Variants in SCRG1 observed in about 807,000 individuals in gnomAD.
SCRG1 encodes stimulator of chondrogenesis 1, also known as scrapie-responsive protein 1.
In SCRG1, 3 loss-of-function variants were observed where a neutral mutation model predicts 7.7. The ratio of observed to expected loss-of-function variants is 0.39; its 90% CI spans 0.18 to 1.01. The LOEUF (loss-of-function observed/expected upper bound fraction) is 1.01, where lower values mean the gene tolerates loss of function less well. SCRG1 is among the 50% of genes least tolerant of loss of function. The pLI is 0.36. For missense variants in SCRG1, 110 were observed against 117.2 expected (o/e 0.94, Z 0.28); for synonymous variants, 46 against 41.2 (o/e 1.12, Z -0.44).
chr4:173,484,461 T>G, the SCRG1 span, among the ~76,000 whole-genome samples: 1 of 48,230 alleles, frequency 2.1e-5, no homozygotes, highest in Non-Finnish European at 4.0e-5. Flanking sequence ...ATATATTATA[T>G]ACATATAATA....
At chr4:173,409,871 G>A (rs1740004345), upstream of SCRG1, among the ~76,000 whole-genome samples, 1 of 152,114 alleles carries the variant, frequency 6.6e-6, no homozygotes, top group African/African-American at 2.4e-5. Context: ...TTACAGGTGT[G>A]AGCCACTGCA....
At chr4:173,388,938 T>A (rs1260602182) in intron 2 of SCRG1, among the ~76,000 whole-genome samples, 1 of 152,220 alleles carries the variant, frequency 6.6e-6, no homozygotes, top group Non-Finnish European at 1.5e-5. Context: ...CTTAGCAGTA[T>A]TTCTCTTTGA....
At chr4:173,507,850 T>C in the SCRG1 span, among the ~76,000 whole-genome samples, 1 of 152,282 alleles carries the variant, frequency 6.6e-6, no homozygotes, top group African/African-American at 2.4e-5. The surrounding 1 kb of genome is among the most constrained non-coding windows in gnomAD (Gnocchi z 4.4). Flanking sequence ...TGAAAAGTAA[T>C]ATGAATGTGA....
chr4:173,459,350 C>A, the SCRG1 span, among the ~76,000 whole-genome samples: 7 of 152,166 alleles, frequency 4.6e-5, no homozygotes. Flanking sequence ...CAGGATAGAC[C>A]ATATCTTAGG....
the SCRG1 span, among the ~76,000 whole-genome samples, chr4:173,497,440 C>A: frequency 1.3e-5 from 2 of 152,018 alleles, no homozygotes; most frequent in Non-Finnish European, 2.9e-5. Flanking sequence ...GGTAGGGAAA[C>A]CACCTGTTTC....
the SCRG1 span, among the ~76,000 whole-genome samples, chr4:173,421,544 G>T: frequency 3.6e-4 from 55 of 152,110 alleles, no homozygotes; most frequent in African/African-American, 1.3e-3. Flanking sequence ...CTGAAAGGTG[G>T]GCCTGGATGG....
the SCRG1 span, among the ~76,000 whole-genome samples, chr4:173,467,274 A>G: frequency 6.6e-5 from 10 of 152,176 alleles, 1 homozygote; most frequent in Non-Finnish European, 1.5e-5. Context: ...AAAGAATCAT[A>G]TCATCTAGCT....
chr4:173,458,576 A>AG, the SCRG1 span, among the ~76,000 whole-genome samples: 1 of 152,212 alleles, frequency 6.6e-6, no homozygotes, highest in Non-Finnish European at 1.5e-5. Flanking sequence ...AACACACAAA[A>AG]GTATTAAACT....
the SCRG1 span, among the ~76,000 whole-genome samples, chr4:173,517,085 G>T: frequency 1.3e-5 from 2 of 152,320 alleles, no homozygotes; most frequent in East Asian, 3.9e-4. Context: ...GAGGCTCCCG[G>T]CGCCCAGGCC....
At chr4:173,436,502 A>G in the SCRG1 span, among the ~76,000 whole-genome samples, 1 of 152,212 alleles carries the variant, frequency 6.6e-6, no homozygotes, top group Non-Finnish European at 1.5e-5. Flanking sequence ...AGCCGGGGGC[A>G]GGGAAATGAC....
At chr4:173,460,301 T>C in the SCRG1 span, among the ~76,000 whole-genome samples, 1 of 152,106 alleles carries the variant, frequency 6.6e-6, no homozygotes, top group Admixed American at 6.5e-5. Context: ...GGTGGACTCA[T>C]GGGGCATGCG....
At chr4:173,476,460 G>A in the SCRG1 span, among the ~76,000 whole-genome samples, 25 of 150,684 alleles carry the variant, frequency 1.7e-4, no homozygotes, top group East Asian at 4.3e-3. Context: ...AGGTTGATTC[G>A]CAAGTCAGTG....
chr4:173,444,325 G>C, the SCRG1 span, among the ~76,000 whole-genome samples: 6 of 152,148 alleles, frequency 3.9e-5, no homozygotes, highest in Non-Finnish European at 5.9e-5. Flanking sequence ...CATTGTGGTT[G>C]ACTTGTCATC....
At chr4:173,392,271 AT>A (rs1470510068) in intron 1 of SCRG1, among the ~76,000 whole-genome samples, 2 of 152,104 alleles carry the variant, frequency 1.3e-5, no homozygotes, top group African/African-American at 2.4e-5. Context: ...ATGGTTGCAA[AT>A]TTTTAGCAAT....
At chr4:173,463,692 T>C in the SCRG1 span, among the ~76,000 whole-genome samples, 1 of 152,224 alleles carries the variant, frequency 6.6e-6, no homozygotes, top group South Asian at 2.1e-4. Context: ...ATCTTGGTCA[T>C]TTTCCTCTGT....
chr4:173,394,072 C>A (rs989741295), intron 1 of SCRG1, among the ~76,000 whole-genome samples: 1 of 151,518 alleles, frequency 6.6e-6, no homozygotes, highest in Non-Finnish European at 1.5e-5. Flanking sequence ...TTTCTGCTAC[C>A]CTAAGTCTTT....
upstream of SCRG1, among the ~76,000 whole-genome samples, chr4:173,409,997 AC>A (rs1244460598): frequency 6.6e-6 from 1 of 152,180 alleles, no homozygotes; most frequent in Non-Finnish European, 1.5e-5. Flanking sequence ...TATCCCCCTG[AC>A]ATGGCAAAAC....
At chr4:173,491,214 T>TG in the SCRG1 span, among the ~76,000 whole-genome samples, 1 of 104,902 alleles carries the variant, frequency 9.5e-6, no homozygotes, top group Non-Finnish European at 2.3e-5. Context: ...TCTCTCTCTC[T>TG]CTCTTTTTTT....
chr4:173,453,869 G>A, the SCRG1 span, among the ~76,000 whole-genome samples: 1 of 152,114 alleles, frequency 6.6e-6, no homozygotes, highest in Admixed American at 6.5e-5. Context: ...TGGATGTCAG[G>A]AGTTCGAGAC....
Sources: gnomAD v4.1 joint callset for allele counts (sites outside exome capture counted in the v4.1 genomes callset) on GRCh38, gnomAD v4.1.1 for gene constraint, Gnocchi (gnomAD v3.1) non-coding constraint, MANE v1.5 for transcripts, NCBI Gene and HGNC (gene_info 2026-07-23, HGNC 2026-07-21) for gene names.